Variants in SPSB2 observed in about 807,000 individuals in gnomAD.
SPSB2 encodes splA/ryanodine receptor domain and SOCS box containing 2.
In SPSB2, 25 loss-of-function variants were observed where a neutral mutation model predicts 19.2. That is an observed-to-expected ratio of 1.30 (90% CI 0.95 to 1.82). The LOEUF (loss-of-function observed/expected upper bound fraction) is 1.82, where lower values mean the gene tolerates loss of function less well. SPSB2 is among the 40% of genes most tolerant of loss of function. The pLI is 0.00. For missense variants in SPSB2, 413 were observed against 344.9 expected (o/e 1.20, Z -1.56); for synonymous variants, 153 against 154.9 (o/e 0.99, Z 0.09).
chr12:6,871,279 C>A lies in SPSB2; in HGVS notation c.705G>T (p.Val235=). ...HSLLHLSRLC[V]RHNLGDTRLG... ...GCCGGGTATCCCCCAGGTTGTGGCG[C>A]ACACACAGGCGGCTCAGGTGCAGAA... The change falls in exon 3 of 3, where the codon GTG becomes GTT. Residue 235 remains valine, a synonymous_variant. Coordinates refer to ENST00000524270, the MANE Select transcript of SPSB2 (RefSeq NM_032641.4). The A allele has an allele frequency of 6.2e-7, 1 of 1,613,950 alleles. No individual in the cohort carries two copies. Among genetic ancestry groups the A allele is most frequent in the Non-Finnish European group, 8.5e-7 (1 of 1,179,976 alleles).
Position 6,871,163 on chromosome 12 carries a change from C to T in SPSB2, c.*29G>A, listed in dbSNP as rs1279697750. The T allele has an allele frequency of 6.4e-7, 1 of 1,571,896 alleles. No individual in the cohort carries two copies. The highest frequency in any genetic ancestry group is 8.6e-7 in the Non-Finnish European group (1 of 1,158,866). ...CCCAAGGGGAGGGGTGGTGGCAAGA[C>T]CTCAGCACAGTCTGTGGTATCACAG... On this transcript the variant is annotated 3_prime_UTR_variant, in exon 3 of 3. Transcript: ENST00000524270.
At chr12:6,871,480 A>G in intron 2 of SPSB2, 161 bp from the exon 3 acceptor site, 2 of 769,888 alleles carry the variant, frequency 2.6e-6, no homozygotes, top group Non-Finnish European at 4.1e-6. Flanking sequence ...TGCCTCCCAG[A>G]TAAGATTTCA....
rs781815017 is a variant in SPSB2 at position 6,872,530 on chromosome 12, C to T, written c.372G>A (p.Leu124=). 18 of 1,611,472 alleles carry T rather than the reference C, an allele frequency of 1.1e-5. No homozygotes were observed. The highest frequency in any genetic ancestry group is 1.4e-5 in the Non-Finnish European group (16 of 1,179,862). Residue 124 remains leucine (L), a synonymous_variant, in exon 2 of 3, where the codon CTG becomes CTA. Coordinates refer to ENST00000524270, the MANE Select transcript of SPSB2 (RefSeq NM_032641.4). ...PLQTDHYAAL[L]GSNSESWGWD... ...AGCCCCACGACTCGCTGTTGCTGCC[C>T]AGCAGCGCCGCGTAGTGGTCAGTCT...
chr12:6,871,608 T>G (rs1300132137), intron 2 of SPSB2: 2 of 495,870 alleles, frequency 4.0e-6, no homozygotes, highest in East Asian at 7.4e-5. Context: ...GCTTGGGAGC[T>G]GGGGCTGAGG....
rs1555133701 is a variant in SPSB2, at chr12:6,872,290, G to A, written c.612C>T (p.Ser204=). Residue 204 remains serine, a synonymous_variant, in exon 2 of 3, where the codon AGC becomes AGT. Transcript: ENST00000524270. The part of the protein sequence containing the change: ...LKGRTLYPAV[S]AVWGQCQVRI... ...GGACCTGGCACTGGCCCCAGACAGC[G>A]CTTACTGCCGGATAGAGGGTCCTGC... The A allele has an allele frequency of 3.7e-6, 6 of 1,614,060 alleles. No individual in the cohort carries two copies. The South Asian group carries it at 4.4e-5, about 12-fold the overall frequency.
In SPSB2 at chr12:6,872,561, G is replaced by C; in HGVS notation, c.341C>G (p.Pro114Arg). 1 of 1,609,406 alleles carries C rather than the reference G, an allele frequency of 6.2e-7. No individual in the cohort carries two copies. The highest frequency in any genetic ancestry group is 8.5e-7 in the Non-Finnish European group (1 of 1,179,360). ...CGCCGCGTAGTGGTCAGTCTGCAGC[G>C]GGGCGAGGGCCGTGGCCACGCCCAC... ...AVVGVATALAPLQTDHYAALL... is the reference protein window; with the variant it reads ...AVVGVATALARLQTDHYAALL... The change falls in exon 2 of 3, where the codon CCG (proline) becomes CGG (arginine). Residue 114 changes from proline to arginine, a missense_variant. Transcript: ENST00000524270.
At chr12:6,872,162 TTG>T in intron 2 of SPSB2, 74 bp downstream of exon 2, 1 of 1,613,316 alleles carries the variant, frequency 6.2e-7, no homozygotes, top group South Asian at 1.1e-5. Flanking sequence ...CCCTCTGCTC[TTG>T]TCAGAAGAGT....
intron 2 of SPSB2, 106 bp from the exon 3 acceptor site, chr12:6,871,425 T>G: frequency 2.4e-6 from 3 of 1,242,448 alleles, no homozygotes; most frequent in Non-Finnish European, 2.2e-6. Flanking sequence ...CTGCTTCGAG[T>G]GTGCCCACCT....
At chr12:6,871,913 T>G in intron 2 of SPSB2, 1 of 1,241,106 alleles carries the variant, frequency 8.1e-7, no homozygotes. Flanking sequence ...TCAAACCCAG[T>G]ACCTAACGCT....
chr12:6,870,970 A>G lies in SPSB2; in HGVS notation c.*222T>C, dbSNP rs1332738427. 7.3e-6 allele frequency: 5 copies of G among 686,690 alleles called. No homozygotes were observed. The highest frequency in any genetic ancestry group is 1.0e-5 in the Non-Finnish European group (4 of 383,852). 42.5% of individuals were successfully genotyped at this position (686,690 alleles called of 1,614,324 possible). On this transcript the variant is annotated 3_prime_UTR_variant, in exon 3 of 3. Coordinates refer to ENST00000524270, the MANE Select transcript of SPSB2 (RefSeq NM_032641.4). ...AACATCTCTTACTATTTTTACTTGA[A>G]AAAATGTTTTGCGTAGCAGACTGTC...
rs1565539671 is a variant in SPSB2, at chr12:6,871,141, AAGGGG to A, written c.*46_*50del. On this transcript the variant is annotated 3_prime_UTR_variant, in exon 3 of 3. Coordinates refer to ENST00000524270, the MANE Select transcript of SPSB2 (RefSeq NM_032641.4). ...GCCAGCAGTGCCTCCCCACCTCCCC[AAGGGG>A]AGGGGTGGTGGCAAGACCTCAGCAC... 5 of 1,551,542 alleles carry A rather than the reference AAGGGG, an allele frequency of 3.2e-6. 1 individual carries two copies. The South Asian group carries it at 3.5e-5, about 11-fold the overall frequency.
chr12:6,872,297 G>A lies in SPSB2; in HGVS notation c.605C>T (p.Ala202Val). ...RGLKGRTLYP[A>V]VSAVWGQCQV... is the part of the protein sequence containing the mutation. ...GCACTGGCCCCAGACAGCGCTTACT[G>A]CCGGATAGAGGGTCCTGCCCTTCAG... is the stretch of plus-strand genomic sequence containing the variant. The change falls in exon 2 of 3, where the codon GCA becomes GTA. Residue 202 changes from alanine to valine, a missense_variant. Ala to Val is a moderately conservative substitution (Grantham distance 64, BLOSUM62 0). Coordinates refer to ENST00000524270, the MANE Select transcript of SPSB2 (RefSeq NM_032641.4). 1 of 1,614,160 alleles carries A rather than the reference G, an allele frequency of 6.2e-7. No individual in the cohort carries two copies. Among genetic ancestry groups the A allele is most frequent in the Non-Finnish European group, 8.5e-7 (1 of 1,180,024 alleles).
chr12:6,872,831 G>A lies in SPSB2; in HGVS notation c.71C>T (p.Ser24Phe), dbSNP rs782215852. ...PTPQALYPDL[S>F]CPEGLEELLS... ...CAGCTCTTCCAAGCCCTCGGGACAG[G>A]AGAGGTCAGGGTACAGGGCCTGTGG... Residue 24 changes from serine to phenylalanine, a missense_variant, in exon 2 of 3, where the codon TCC (serine) becomes TTC (phenylalanine). Ser to Phe is a radical substitution (Grantham distance 155). Transcript: ENST00000524270. 1.9e-6 allele frequency: 3 copies of A among 1,611,602 alleles called. No homozygotes were observed. In the Admixed American group the frequency reaches 5.0e-5, roughly 27 times the overall value.
At chr12:6,872,172 A>G in intron 2 of SPSB2, 66 bp downstream of exon 2, 1 of 1,613,338 alleles carries the variant, frequency 6.2e-7, no homozygotes, top group Non-Finnish European at 8.5e-7. Context: ...TTGTCAGAAG[A>G]GTTTCCATCC....
Position 6,872,250 on chromosome 12 carries a change from C to CG in SPSB2, c.651_652insC (p.Gly218ArgfsTer74). On this transcript the variant is annotated frameshift_variant, in exon 2 of 3. Transcript: ENST00000524270. LOFTEE classifies it low-confidence loss of function (END_TRUNC). ...CCCCAGGCCTCACCTCTCCTTTCGC[C>CG]CAGGTAGCGGATGCGGACCTGGCAC... is the stretch of plus-strand genomic sequence containing the variant. 6.2e-7 allele frequency: 1 copy of CG among 1,614,144 alleles called. No homozygotes were observed. The highest frequency in any genetic ancestry group is 1.6e-4 in the Middle Eastern group (1 of 6,062).
chr12:6,871,239 C>CA lies in SPSB2; in HGVS notation c.744dup (p.Ala249CysfsTer43). On this transcript the variant is annotated frameshift_variant, in exon 3 of 3. Coordinates refer to ENST00000524270, the MANE Select transcript of SPSB2 (RefSeq NM_032641.4). LOFTEE classifies it high-confidence loss of function. ...TTCATGGCAGGGGGCAAGGGCAGGG[C>CA]AGACACCTGGCCGAGCCGGGTATCC... The CA allele has an allele frequency of 6.2e-7, 1 of 1,612,724 alleles. No individual in the cohort carries two copies. Among genetic ancestry groups the CA allele is most frequent in the Non-Finnish European group, 8.5e-7 (1 of 1,179,414 alleles).
At chr12:6,871,395 T>A (rs782613631) in intron 2 of SPSB2, 76 bp from the exon 3 acceptor site, 74 of 1,483,048 alleles carry the variant, frequency 5.0e-5, no homozygotes, top group Non-Finnish European at 5.8e-5. Context: ...GGGGTCCTAC[T>A]CAGATGCCTT....
chr12:6,871,829 CAGGTT>C (rs1435730274), intron 2 of SPSB2: 13 of 521,220 alleles, frequency 2.5e-5, no homozygotes, highest in Non-Finnish European at 4.3e-5. Context: ...GGCACAGAGA[CAGGTT>C]AGAGCCCAGG....
rs1944580884 is a variant in SPSB2, at chr12:6,871,071, T to C, written c.*121A>G. 7.8e-7 allele frequency: 1 copy of C among 1,282,938 alleles called. No homozygotes were observed. The highest frequency in any genetic ancestry group is 1.1e-6 in the Non-Finnish European group (1 of 923,654). 79.5% of individuals were successfully genotyped at this position (1,282,938 alleles called of 1,614,324 possible). On this transcript the variant is annotated 3_prime_UTR_variant, in exon 3 of 3. Transcript: ENST00000524270. Reference sequence around the variant, plus strand: ...GCTGTTGATTTCCGCAGAGCTTGGGTTGGGGTAGGGGCTCAGCCTCACCAG... The same window carrying C: ...GCTGTTGATTTCCGCAGAGCTTGGGCTGGGGTAGGGGCTCAGCCTCACCAG...
Sources: allele counts gnomAD v4.1 joint callset, GRCh38; gene constraint gnomAD v4.1.1; transcripts MANE v1.5; gene names NCBI Gene and HGNC (gene_info 2026-07-23, HGNC 2026-07-21).